The following RALA variants were observed in gnomAD, a reference collection of about 807,000 sequenced individuals.
RALA encodes ras-related protein Ral-A.
RALA carries 5 observed loss-of-function variants against 24.0 expected under a neutral mutation model. That is an observed-to-expected ratio of 0.21 (90% CI 0.11 to 0.44). The LOEUF is 0.44. Ranked by LOEUF, RALA falls within the 20% of genes least tolerant of loss-of-function variation. The pLI is 0.99. For synonymous variants in RALA, 77 were observed against 83.8 expected (o/e 0.92, Z 0.44); for missense variants, 95 against 241.2 (o/e 0.39, Z 4.01).
intron 1 of RALA, among the ~76,000 whole-genome samples, chr7:39,637,508 A>G (rs759578731): frequency 6.6e-6 from 1 of 152,220 alleles, no homozygotes; most frequent in Non-Finnish European, 1.5e-5. Context: ...CATTTTTTGT[A>G]AAGCTTTAAG....
At chr7:39,704,408 G>C (rs1170138998) in intron 4 of RALA, among the ~76,000 whole-genome samples, 1 of 148,438 alleles carries the variant, frequency 6.7e-6, no homozygotes, top group African/African-American at 2.5e-5. Flanking sequence ...CGCAACCTCC[G>C]CCTCCTGAAT....
intron 1 of RALA, among the ~76,000 whole-genome samples, chr7:39,662,454 T>G (rs1216113593): frequency 2.6e-5 from 4 of 152,196 alleles, no homozygotes; most frequent in African/African-American, 9.7e-5. Context: ...AGCACCAAAG[T>G]CACCTTTTCA....
intron 1 of RALA, among the ~76,000 whole-genome samples, chr7:39,646,296 A>G (rs936835604): frequency 6.6e-6 from 1 of 152,102 alleles, no homozygotes; most frequent in Non-Finnish European, 1.5e-5. Context: ...CTGTCCCTAC[A>G]ACCCCCCGCC....
chr7:39,695,042 G>A (rs575953012), intron 3 of RALA, among the ~76,000 whole-genome samples: 1 of 150,742 alleles, frequency 6.6e-6, no homozygotes, highest in African/African-American at 2.4e-5. Flanking sequence ...CTGGGTGACA[G>A]AGTAAGACCC....
At chr7:39,669,754 T>C (rs1428601134) in intron 1 of RALA, among the ~76,000 whole-genome samples, 1 of 148,812 alleles carries the variant, frequency 6.7e-6, no homozygotes, top group Non-Finnish European at 1.5e-5. Context: ...TGTAGTGAGG[T>C]ATAATAGCAC....
rs1343258900 is a variant in RALA, at chr7:39,623,887, G to A, written c.-38+62G>A. 6.6e-6 allele frequency: 1 copy of A among 152,128 alleles called. No individual in the cohort carries two copies. The highest frequency in any genetic ancestry group is 1.5e-5 in the Non-Finnish European group (1 of 68,140). The allele number at this position is 152,128 out of a possible 1,614,324, so 9.4% of individuals were successfully genotyped here. ...TGGGGCCACCCGGGCGGCGGCGGGG[G>A]TGTGTCCGGGCGGCGGCGGGCCGAG... On this transcript the variant is annotated intron_variant, in intron 1 of 4. Coordinates refer to ENST00000005257, the MANE Select transcript of RALA (RefSeq NM_005402.4). This position sits in a 1 kb window ranked among gnomAD's most constrained non-coding sequence, Gnocchi z 4.9.
rs762476621 is a variant in RALA, at chr7:39,686,666, A to G, written c.-2A>G. The G allele has an allele frequency of 6.5e-5, 105 of 1,612,006 alleles. 2 individuals are homozygous for G. The South Asian group carries it at 1.1e-3, about 17-fold the overall frequency. On this transcript the variant is annotated 5_prime_UTR_variant, in exon 2 of 5. Coordinates refer to ENST00000005257, the MANE Select transcript of RALA (RefSeq NM_005402.4). ...ATCCTTTGGTGAAAACTGAGACACA[A>G]AATGGCTGCAAATAAGCCCAAGGGT...
intron 1 of RALA, chr7:39,624,376 C>T (rs566797237): frequency 6.6e-6 from 1 of 151,070 alleles, no homozygotes; most frequent in African/African-American, 2.4e-5. Flanking sequence ...ACTCTCCGCA[C>T]TGAACTGAAT....
At chr7:39,689,399 ATAAT>A in intron 2 of RALA, among the ~76,000 whole-genome samples, 1 of 152,350 alleles carries the variant, frequency 6.6e-6, no homozygotes, top group South Asian at 2.1e-4. Context: ...CATTTTTAAA[ATAAT>A]TATTTATTGA....
intron 3 of RALA, among the ~76,000 whole-genome samples, chr7:39,696,229 T>G (rs949863551): frequency 5.9e-5 from 9 of 152,182 alleles, no homozygotes; most frequent in Admixed American, 2.6e-4. Flanking sequence ...GGACCCTTGA[T>G]ATGATGCAAT....
intron 1 of RALA, among the ~76,000 whole-genome samples, chr7:39,642,105 G>A (rs1791828142): frequency 1.3e-5 from 2 of 152,296 alleles, no homozygotes; most frequent in South Asian, 4.1e-4. Flanking sequence ...TAGTTCCTCA[G>A]TTGGGACAAC....
At chr7:39,687,269 T>C (rs986755351) in intron 2 of RALA, among the ~76,000 whole-genome samples, 3 of 151,948 alleles carry the variant, frequency 2.0e-5, no homozygotes, top group Non-Finnish European at 4.4e-5. Flanking sequence ...ATACTAAAAA[T>C]ACAAAAAATT....
At chr7:39,627,824 A>G (rs981642706) in intron 1 of RALA, among the ~76,000 whole-genome samples, 1 of 152,202 alleles carries the variant, frequency 6.6e-6, no homozygotes, top group South Asian at 2.1e-4. Flanking sequence ...CTTGCTTAGA[A>G]CAATGGTGAT....
chr7:39,686,580 A>C, intron 1 of RALA, 51 bp from the exon 2 acceptor site: 1 of 1,040,622 alleles, frequency 9.6e-7, no homozygotes, highest in Non-Finnish European at 1.5e-6. Context: ...CTTACACTGG[A>C]ATTCTAAAGA....
In RALA at chr7:39,674,819, CTTTTTT is replaced by C. The variant is rs11452061; in HGVS notation, c.-37-11795_-37-11790del. ...ATAGCAGCCTGAAGGTAATTTTATG[CTTTTTT>C]TTTTTTTTTTTTTTTTGAGTCAGAG... On this transcript the variant is annotated intron_variant, in intron 1 of 4. Transcript: ENST00000005257. 1.5e-3 allele frequency among the ~76,000 whole-genome samples: 145 copies of C among 96,680 alleles called. 1 individual carries two copies. Among genetic ancestry groups the C allele is most frequent in the African/African-American group, 4.8e-3 (115 of 23,758 alleles). The allele number at this position is 96,680 out of a possible 152,430, so 63.4% of individuals were successfully genotyped here.
chr7:39,696,624 CAA>C, intron 3 of RALA, 59 bp from the exon 4 acceptor site: 2 of 1,384,892 alleles, frequency 1.4e-6, no homozygotes, highest in East Asian at 2.4e-5. Context: ...ATGGGGCAAA[CAA>C]GAACTTTCTG....
chr7:39,630,152 T>C (rs1478117171), intron 1 of RALA, among the ~76,000 whole-genome samples: 1 of 151,312 alleles, frequency 6.6e-6, no homozygotes, highest in African/African-American at 2.4e-5. Flanking sequence ...CAAGTGATCT[T>C]CCCACCTCAG....
At chr7:39,695,980 C>T (rs1392515659) in intron 3 of RALA, among the ~76,000 whole-genome samples, 1 of 152,120 alleles carries the variant, frequency 6.6e-6, no homozygotes, top group Non-Finnish European at 1.5e-5. Context: ...ACATTTAACC[C>T]TCATAGCAAC....
intron 1 of RALA, among the ~76,000 whole-genome samples, chr7:39,675,246 G>T (rs1583738337): frequency 1.3e-5 from 2 of 152,210 alleles, no homozygotes; most frequent in South Asian, 4.1e-4. Flanking sequence ...AGCTAGCAGG[G>T]TCCTGGGGAT....
Sources: gnomAD v4.1 joint callset for allele counts (sites outside exome capture counted in the v4.1 genomes callset) on GRCh38, gnomAD v4.1.1 for gene constraint, Gnocchi (gnomAD v3.1) non-coding constraint, MANE v1.5 for transcripts, NCBI Gene and HGNC (gene_info 2026-07-23, HGNC 2026-07-21) for gene names.